The following SNTN variants were observed in gnomAD, a reference collection of about 807,000 sequenced individuals.
SNTN encodes sentan, cilia apical structure protein.
In SNTN, 13 loss-of-function variants were observed where a neutral mutation model predicts 12.3. The observed-to-expected ratio is 1.05, with a 90% CI of 0.69 to 1.67. The LOEUF (loss-of-function observed/expected upper bound fraction) is 1.67, where lower values mean the gene tolerates loss of function less well. SNTN is among the 40% of genes most tolerant of loss of function. The probability of loss-of-function intolerance (pLI) is 0.00; values close to 1 mark genes in which losing one functional copy is unlikely to be tolerated. For synonymous variants in SNTN, 69 were observed against 58.5 expected (o/e 1.18, Z -0.82); for missense variants, 189 against 169.8 (o/e 1.11, Z -0.63).
chr3:63,664,253 T>C lies in SNTN; in HGVS notation c.*158T>C. 1.6e-6 allele frequency: 1 copy of C among 644,524 alleles called. No individual in the cohort carries two copies. Among genetic ancestry groups the C allele is most frequent in the South Asian group, 2.1e-5 (1 of 46,730 alleles). The allele number at this position is 644,524 out of a possible 1,614,324, so 39.9% of individuals were successfully genotyped here. A position where few individuals can be genotyped will look rare whatever the true frequency, so the allele number is the denominator to read the frequency against. On this transcript the variant is annotated 3_prime_UTR_variant, in exon 4 of 4. Transcript: ENST00000343837. ...TCAGATCCAATGTAACTCCAAATAT[T>C]TACCCATACACTTCAAGAATGTTTG...
intron 2 of SNTN, among the ~76,000 whole-genome samples, chr3:63,657,945 T>A (rs1407164319): frequency 6.6e-6 from 1 of 152,190 alleles, no homozygotes; most frequent in African/African-American, 2.4e-5. Context: ...CCACTTGTCT[T>A]CACTCTTGTC....
intron 3 of SNTN, 63 bp downstream of exon 3, chr3:63,659,927 A>C: frequency 1.3e-6 from 2 of 1,579,798 alleles, no homozygotes; most frequent in Admixed American, 3.4e-5. Context: ...CCAATGAGCA[A>C]ATAACTCCAG....
rs866613533 is a variant in SNTN at position 63,664,659 on chromosome 3, A to G, written c.*564A>G. 1 of 152,142 alleles carries G rather than the reference A, an allele frequency of 6.6e-6. No homozygotes were observed. The highest frequency in any genetic ancestry group is 2.4e-5 in the African/African-American group (1 of 41,436). 9.4% of individuals were successfully genotyped at this position (152,142 alleles called of 1,614,324 possible). A position where few individuals can be genotyped will look rare whatever the true frequency, so the allele number is the denominator to read the frequency against. On this transcript the variant is annotated 3_prime_UTR_variant, in exon 4 of 4. Transcript: ENST00000343837. The stretch of plus-strand genomic sequence containing the variant: ...TGACATTCTATAAAAAGCAAAAAAA[A>G]AAAAATTGGTCCATGGATGCCAGGG...
At position 63,663,984 on chromosome 3, in the gene SNTN, T is replaced by C; in HGVS notation, c.333T>C (p.Asp111=). 1 of 1,614,032 alleles carries C rather than the reference T, an allele frequency of 6.2e-7. No homozygotes were observed. Among genetic ancestry groups the C allele is most frequent in the Non-Finnish European group, 8.5e-7 (1 of 1,179,980 alleles). ...ACAGAGAGATCCTTTCTGAACTTGA[T>C]GAGCACACAGAAAATAAGCTAGATT... ...PKYREILSEL[D]EHTENKLDFE... Residue 111 remains aspartate (D), a synonymous_variant, in exon 4 of 4, where the codon GAT becomes GAC. Transcript: ENST00000343837.
intron 1 of SNTN, among the ~76,000 whole-genome samples, chr3:63,654,235 G>C (rs767124057): frequency 6.6e-6 from 1 of 152,180 alleles, no homozygotes; most frequent in Non-Finnish European, 1.5e-5. Flanking sequence ...TTCTTAGTTA[G>C]GAAGGCTAAG....
chr3:63,661,006 A>G (rs777209461), intron 3 of SNTN, among the ~76,000 whole-genome samples: 1 of 152,194 alleles, frequency 6.6e-6, no homozygotes, highest in South Asian at 2.1e-4. Flanking sequence ...GTTGCTTAGA[A>G]CTTTTCCTTT....
Position 63,664,195 on chromosome 3 carries a change from G to A in SNTN, c.*100G>A. ...AATTGAATATATCTATCATGCATCT[G>A]AAATTGCCTAGGATGGTTCTGATTG... is the stretch of plus-strand genomic sequence containing the variant. On this transcript the variant is annotated 3_prime_UTR_variant, in exon 4 of 4. Coordinates refer to ENST00000343837, the MANE Select transcript of SNTN (RefSeq NM_001080537.2). 1 of 1,213,654 alleles carries A rather than the reference G, an allele frequency of 8.2e-7. No individual in the cohort carries two copies. Among genetic ancestry groups the A allele is most frequent in the South Asian group, 1.6e-5 (1 of 61,570 alleles). The allele number at this position is 1,213,654 out of a possible 1,614,324, so 75.2% of individuals were successfully genotyped here.
intron 2 of SNTN, among the ~76,000 whole-genome samples, chr3:63,656,228 A>G (rs1258463602): frequency 6.6e-6 from 1 of 152,218 alleles, no homozygotes; most frequent in African/African-American, 2.4e-5. Context: ...CACATTCCAG[A>G]GCAGGTGAGG....
rs78653428 is a variant in SNTN, at chr3:63,653,962, A to G, written c.111-800A>G. Among the ~76,000 whole-genome samples the G allele has an allele frequency of 1.1e-3, 169 of 152,288 alleles. 5 individuals are homozygous for G. In the East Asian group the frequency reaches 0.026, roughly 24 times the overall value. On this transcript the variant is annotated intron_variant, in intron 1 of 3. Transcript: ENST00000343837. ...CTTCAATCATATGGTGATTTCTGCC[A>G]CATCAGGCCTCAACACATAAGTTTC...
intron 3 of SNTN, among the ~76,000 whole-genome samples, chr3:63,661,577 TG>T (rs1700744390): frequency 6.6e-6 from 1 of 152,106 alleles, no homozygotes; most frequent in African/African-American, 2.4e-5. Flanking sequence ...TTTTGAGTAA[TG>T]GGGTAAAGGG....
chr3:63,655,156 G>C (rs1004624348), intron 2 of SNTN, among the ~76,000 whole-genome samples: 1 of 152,126 alleles, frequency 6.6e-6, no homozygotes. Context: ...GTGGAACTCA[G>C]GATGCAATCA....
chr3:63,653,706 C>G (rs778632511), intron 1 of SNTN, among the ~76,000 whole-genome samples: 3 of 152,200 alleles, frequency 2.0e-5, no homozygotes, highest in Non-Finnish European at 4.4e-5. Context: ...TATAAGAGAG[C>G]AAGATACAAC....
At chr3:63,660,149 G>T (rs1042696684) in intron 3 of SNTN, among the ~76,000 whole-genome samples, 7 of 152,152 alleles carry the variant, frequency 4.6e-5, no homozygotes, top group Admixed American at 6.5e-5. Context: ...TCTTGGGGCA[G>T]GTAATCAAAG....
At chr3:63,656,958 C>T (rs989739543) in intron 2 of SNTN, among the ~76,000 whole-genome samples, 5 of 152,148 alleles carry the variant, frequency 3.3e-5, no homozygotes, top group African/African-American at 1.2e-4. Context: ...CTAAGACATA[C>T]CTCATCGGAC....
At chr3:63,661,385 CA>C (rs1214213986) in intron 3 of SNTN, among the ~76,000 whole-genome samples, 2 of 152,156 alleles carry the variant, frequency 1.3e-5, no homozygotes, top group Admixed American at 6.5e-5. Context: ...CACACATACA[CA>C]TACATAAACA....
chr3:63,654,818 T>G, intron 2 of SNTN, 22 bp downstream of exon 2: 1 of 1,610,336 alleles, frequency 6.2e-7, no homozygotes, highest in South Asian at 1.1e-5. Flanking sequence ...ATGACGCAGA[T>G]GTACATTTTT....
In SNTN at chr3:63,654,991, C is replaced by T. The variant is rs533600054; in HGVS notation, c.145+195C>T. ...CGGAGTAGGAATTAACTTACCTAAA[C>T]TTACACAGTTCATTAAAGACAGAGC... On this transcript the variant is annotated intron_variant, in intron 2 of 3. Transcript: ENST00000343837. Among the ~76,000 whole-genome samples the T allele has an allele frequency of 2.6e-5, 4 of 152,342 alleles. No homozygotes were observed. The South Asian group carries it at 6.2e-4, about 24-fold the overall frequency.
intron 2 of SNTN, among the ~76,000 whole-genome samples, chr3:63,655,242 T>A (rs553088289): frequency 1.3e-5 from 2 of 152,238 alleles, no homozygotes; most frequent in South Asian, 4.1e-4. Context: ...CCCCTGGAAA[T>A]CAATTGCATA....
chr3:63,659,657 C>A lies in SNTN; in HGVS notation c.146-68C>A, dbSNP rs559300254. 67 of 1,581,640 alleles carry A rather than the reference C, an allele frequency of 4.2e-5. No homozygotes were observed. In the South Asian group the frequency reaches 5.9e-4, roughly 14 times the overall value. On this transcript the variant is annotated intron_variant, in intron 2 of 3. Coordinates refer to ENST00000343837, the MANE Select transcript of SNTN (RefSeq NM_001080537.2). ...TTCCCTACAGTTCCCTTGGAAGACA[C>A]AACAGCAGGTCTGGGGAAGGGTTAT...
Sources: gnomAD v4.1 joint callset for allele counts (sites outside exome capture counted in the v4.1 genomes callset) on GRCh38, gnomAD v4.1.1 for gene constraint, MANE v1.5 for transcripts, NCBI Gene and HGNC (gene_info 2026-07-23, HGNC 2026-07-21) for gene names.